Variants in ZNF680 observed in about 807,000 individuals in gnomAD.
ZNF680 encodes zinc finger protein 680, also known as hypothetical protein FLJ90430.
ZNF680 carries 6 observed loss-of-function variants against 12.1 expected under a neutral mutation model. That is an observed-to-expected ratio of 0.49 (90% CI 0.27 to 0.98). The LOEUF (loss-of-function observed/expected upper bound fraction) is 0.98. ZNF680 is among the 50% of genes least tolerant of loss of function. ZNF680 has a pLI of 0.12. For synonymous variants in ZNF680, 170 were observed against 199.3 expected (o/e 0.85, Z 1.24); for missense variants, 561 against 616.3 (o/e 0.91, Z 0.95).
the ZNF680 span, among the ~76,000 whole-genome samples, chr7:64,507,390 T>C: frequency 4.0e-5 from 6 of 150,312 alleles, no homozygotes; most frequent in Non-Finnish European, 6.0e-5. Flanking sequence ...TAGTAAACAA[T>C]AATATATTGT....
chr7:64,500,951 A>C, the ZNF680 span: 1 of 650,138 alleles, frequency 1.5e-6, no homozygotes, highest in Middle Eastern at 2.7e-4. Context: ...GTGCAGCAAA[A>C]TTGTGGGTTG....
intron 3 of ZNF680, among the ~76,000 whole-genome samples, chr7:64,528,456 G>A (rs559990906): frequency 1.3e-5 from 2 of 152,284 alleles, no homozygotes; most frequent in East Asian, 1.9e-4. Flanking sequence ...TGCTAACTGC[G>A]TGAAAACAGT....
At chr7:64,539,351 C>CAAAAAAAAAAAAAAAA (rs1170166478) in intron 3 of ZNF680, among the ~76,000 whole-genome samples, 21 of 48,470 alleles carry the variant, frequency 4.3e-4, no homozygotes, top group African/African-American at 6.1e-4. Context: ...AACTTCGTCT[C>CAAAAAAAAAAAAAAAA]AAAAAAAAAA....
the ZNF680 span, among the ~76,000 whole-genome samples, chr7:64,508,147 A>ATATATATATATATATATATAC: frequency 1.5e-5 from 2 of 135,364 alleles, no homozygotes; most frequent in Admixed American, 7.3e-5. Context: ...ATATATACAT[A>ATATATATATATATATATATAC]ATTTTTTTTT....
intron 3 of ZNF680, among the ~76,000 whole-genome samples, chr7:64,526,991 A>AGTAAGATAAC (rs1791886697): frequency 6.6e-6 from 1 of 152,224 alleles, no homozygotes; most frequent in South Asian, 2.1e-4. Context: ...TAATCCCTGC[A>AGTAAGATAAC]TTTTGGGAGG....
intron 1 of ZNF680, among the ~76,000 whole-genome samples, chr7:64,561,808 G>A (rs547892946): frequency 2.0e-5 from 3 of 151,438 alleles, no homozygotes; most frequent in African/African-American, 4.9e-5. Context: ...GGTGGCGGGC[G>A]CCTGTAGTCC....
At chr7:64,500,117 T>C in the ZNF680 span, among the ~76,000 whole-genome samples, 1 of 152,076 alleles carries the variant, frequency 6.6e-6, no homozygotes, top group Non-Finnish European at 1.5e-5. Flanking sequence ...CCTAGGTTTA[T>C]TCAAAATAAA....
chr7:64,507,487 A>G, the ZNF680 span, among the ~76,000 whole-genome samples: 4 of 151,730 alleles, frequency 2.6e-5, no homozygotes, highest in African/African-American at 9.7e-5. Context: ...AAGTGAGTTG[A>G]TATACATATG....
chr7:64,553,971 A>C (rs1038295093), intron 1 of ZNF680, among the ~76,000 whole-genome samples: 1 of 152,042 alleles, frequency 6.6e-6, no homozygotes, highest in African/African-American at 2.4e-5. Flanking sequence ...TTGGCCTCCC[A>C]AAGTGCCGAG....
intron 1 of ZNF680, among the ~76,000 whole-genome samples, chr7:64,555,694 G>A (rs1418827858): frequency 2.7e-5 from 4 of 147,404 alleles, no homozygotes; most frequent in Non-Finnish European, 4.5e-5. Flanking sequence ...AAAAAAATAC[G>A]AGACCAAAAA....
chr7:64,501,528 C>A, the ZNF680 span: 1 of 770,186 alleles, frequency 1.3e-6, no homozygotes, highest in Non-Finnish European at 2.3e-6. Context: ...AGAAGAGGAA[C>A]AGAGCAGGAG....
At chr7:64,546,218 C>G (rs968968865) in intron 1 of ZNF680, among the ~76,000 whole-genome samples, 1 of 152,094 alleles carries the variant, frequency 6.6e-6, no homozygotes, top group African/African-American at 2.4e-5. Flanking sequence ...AAAAAAGAAC[C>G]AATTCTTCCT....
intron 3 of ZNF680, among the ~76,000 whole-genome samples, chr7:64,528,616 T>C (rs1785691334): frequency 6.6e-6 from 1 of 152,082 alleles, no homozygotes; most frequent in Admixed American, 6.5e-5. Context: ...CCTAGGTACA[T>C]AAATCCATTG....
At chr7:64,541,428 G>T (rs1786492320) in intron 3 of ZNF680, among the ~76,000 whole-genome samples, 1 of 152,106 alleles carries the variant, frequency 6.6e-6, no homozygotes, top group Non-Finnish European at 1.5e-5. Context: ...GCATTTATGT[G>T]AGCCATGGCT....
In ZNF680 at chr7:64,558,113, T is replaced by C. The variant is rs140033544; in HGVS notation, c.30+4812A>G. ...AGTGGCCCAGGTGGGGCTGTACTTG[T>C]TTATTTCTGTGTCCGGGCAGGCAGA... On this transcript the variant is annotated intron_variant, in intron 1 of 3. Coordinates refer to ENST00000309683, the MANE Select transcript of ZNF680 (RefSeq NM_178558.5). 4.7e-3 allele frequency among the ~76,000 whole-genome samples: 722 copies of C among 152,294 alleles called. 5 individuals carry two copies. Among genetic ancestry groups the C allele is most frequent in the African/African-American group, 0.014 (565 of 41,558 alleles).
At chr7:64,510,329 C>G in the ZNF680 span, among the ~76,000 whole-genome samples, 2 of 151,454 alleles carry the variant, frequency 1.3e-5, no homozygotes, top group African/African-American at 4.8e-5. Flanking sequence ...AATCAAAAAC[C>G]AAATAACGCA....
At chr7:64,507,186 C>T in the ZNF680 span, among the ~76,000 whole-genome samples, 36 of 151,996 alleles carry the variant, frequency 2.4e-4, no homozygotes, top group Admixed American at 1.8e-3. Flanking sequence ...ATAAGCCAGA[C>T]ACAGAAAAAC....
downstream of ZNF680, among the ~76,000 whole-genome samples, chr7:64,517,560 C>A (rs540096528): frequency 6.3e-4 from 96 of 152,058 alleles, 1 homozygote; most frequent in African/African-American, 2.2e-3. Context: ...CTATTCCACA[C>A]GACACGGTAA....
the ZNF680 span, among the ~76,000 whole-genome samples, chr7:64,507,717 T>C: frequency 1.3e-5 from 2 of 151,912 alleles, no homozygotes; most frequent in Non-Finnish European, 2.9e-5. Context: ...CAACTCTGAT[T>C]TGCCATTTAA....
Sources: gnomAD v4.1 joint callset for allele counts (sites outside exome capture counted in the v4.1 genomes callset) on GRCh38, gnomAD v4.1.1 for gene constraint, MANE v1.5 for transcripts, NCBI Gene and HGNC (gene_info 2026-07-23, HGNC 2026-07-21) for gene names.